The following COP1 variants were observed in gnomAD, a reference collection of about 807,000 sequenced individuals.
The protein encoded by COP1 is COP1 E3 ubiquitin ligase.
COP1 carries 24 observed loss-of-function variants against 101.3 expected under a neutral mutation model. The observed-to-expected ratio is 0.24, with a 90% CI of 0.17 to 0.33. The LOEUF (loss-of-function observed/expected upper bound fraction) is 0.33, where lower values mean the gene tolerates loss of function less well. Ranked by LOEUF, COP1 falls within the 10% of genes least tolerant of loss-of-function variation. The pLI is 1.00. For synonymous variants in COP1, 347 were observed against 341.9 expected, an observed-to-expected ratio of 1.01 and a Z score of -0.17; for missense variants, 663 against 906.2, an observed-to-expected ratio of 0.73 and a Z score of 3.45.
At chr1:176,157,862 A>C (rs1693707175) in intron 5 of COP1, among the ~76,000 whole-genome samples, 1 of 152,202 alleles carries the variant, frequency 6.6e-6, no homozygotes, top group African/African-American at 2.4e-5. Context: ...AAACTATCCA[A>C]AATGCACTAG....
chr1:175,945,255 T>C (rs1048871020), intron 19 of COP1, 85 bp from the exon 20 acceptor site: 3 of 984,688 alleles, frequency 3.0e-6, no homozygotes, highest in Non-Finnish European at 4.5e-6. Flanking sequence ...TATTTACCAA[T>C]AGAAAAGCAA....
chr1:176,053,966 A>G (rs1263017050), intron 11 of COP1, among the ~76,000 whole-genome samples: 1 of 152,132 alleles, frequency 6.6e-6, no homozygotes, highest in Non-Finnish European at 1.5e-5. Flanking sequence ...TAGAGAAAAA[A>G]CATGCAACCA....
At chr1:176,110,091 C>T (rs12402588) in intron 9 of COP1, among the ~76,000 whole-genome samples, 10,086 of 152,196 alleles carry the variant, frequency 0.066, 421 homozygotes, top group Middle Eastern at 0.12. Context: ...CTGTCTGTCT[C>T]TATCTGTTTA....
chr1:176,002,602 C>T (rs1232081959), intron 15 of COP1, among the ~76,000 whole-genome samples: 24 of 141,914 alleles, frequency 1.7e-4, no homozygotes, highest in Admixed American at 3.0e-4. Flanking sequence ...TGAGAATATG[C>T]AGTGTTTGGT....
intron 18 of COP1, among the ~76,000 whole-genome samples, chr1:175,972,283 C>T (rs1271738751): frequency 1.3e-5 from 2 of 152,006 alleles, no homozygotes; most frequent in Non-Finnish European, 2.9e-5. Context: ...TTGAAAAATA[C>T]TAATACACAT....
chr1:176,144,986 T>G (rs981516024), intron 6 of COP1, among the ~76,000 whole-genome samples: 3 of 152,012 alleles, frequency 2.0e-5, no homozygotes, highest in Admixed American at 1.3e-4. Context: ...CAAAACACAC[T>G]AAGTATAACA....
At chr1:176,133,748 T>C in intron 8 of COP1, 1 of 377,510 alleles carries the variant, frequency 2.6e-6, no homozygotes, top group East Asian at 7.3e-5. Flanking sequence ...CAAAAAAAAT[T>C]TGCTACTGTT....
chr1:176,145,916 C>T (rs1354585884), intron 6 of COP1, among the ~76,000 whole-genome samples: 1 of 152,082 alleles, frequency 6.6e-6, no homozygotes, highest in African/African-American at 2.4e-5. Context: ...GTGCTTCAGC[C>T]GTTCTAGCAG....
intron 1 of COP1, among the ~76,000 whole-genome samples, chr1:176,201,144 G>C (rs762705015): frequency 6.6e-6 from 1 of 152,174 alleles, no homozygotes; most frequent in South Asian, 2.1e-4. Flanking sequence ...TTCAGATTAA[G>C]GATACTAACC....
chr1:176,019,697 C>CA (rs1666381942), intron 15 of COP1, among the ~76,000 whole-genome samples: 2 of 151,326 alleles, frequency 1.3e-5, no homozygotes, highest in African/African-American at 4.9e-5. Context: ...TACGTTTTTC[C>CA]AAAAAATATG....
chr1:176,129,998 T>C (rs1688635403), intron 8 of COP1, among the ~76,000 whole-genome samples: 1 of 151,700 alleles, frequency 6.6e-6, no homozygotes, highest in African/African-American at 2.4e-5. Flanking sequence ...TGCTTCCTAT[T>C]CAATTACACA....
chr1:176,182,024 T>C (rs1408525320), intron 2 of COP1, among the ~76,000 whole-genome samples: 2 of 152,162 alleles, frequency 1.3e-5, no homozygotes, highest in Non-Finnish European at 2.9e-5. Flanking sequence ...AGATTATAAA[T>C]TTATTGAAAA....
At chr1:176,001,921 G>C (rs1480659959) in intron 15 of COP1, among the ~76,000 whole-genome samples, 1 of 152,022 alleles carries the variant, frequency 6.6e-6, no homozygotes, top group Non-Finnish European at 1.5e-5. Flanking sequence ...CCTACTGCCT[G>C]CTGGCAGTAA....
intron 1 of COP1, among the ~76,000 whole-genome samples, chr1:176,190,716 C>A (rs1227446974): frequency 2.0e-5 from 3 of 151,910 alleles, no homozygotes; most frequent in African/African-American, 7.3e-5. Flanking sequence ...TCAAAAGCAG[C>A]ATCCAAACTT....
intron 14 of COP1, among the ~76,000 whole-genome samples, chr1:176,035,710 CAAAAAAAAAA>C (rs71129541): frequency 2.7e-5 from 2 of 73,108 alleles, no homozygotes; most frequent in Non-Finnish European, 2.5e-5. Context: ...AAAACGAGAC[CAAAAAAAAAA>C]AAAAAAAAAA....
chr1:176,061,849 C>T (rs1252133567), intron 11 of COP1, among the ~76,000 whole-genome samples: 1 of 152,084 alleles, frequency 6.6e-6, no homozygotes, highest in African/African-American at 2.4e-5. Flanking sequence ...AATTAAGTAT[C>T]ACTCATGTTC....
At chr1:175,966,280 TAC>T (rs66711924) in intron 18 of COP1, among the ~76,000 whole-genome samples, 6,588 of 150,206 alleles carry the variant, frequency 0.044, 334 homozygotes, top group African/African-American at 0.13. Flanking sequence ...GTGTTTGCAA[TAC>T]ACACACACAC....
chr1:175,964,126 G>C (rs1651715219), intron 18 of COP1, among the ~76,000 whole-genome samples: 1 of 152,110 alleles, frequency 6.6e-6, no homozygotes, highest in Non-Finnish European at 1.5e-5. Context: ...AGAGGAAACT[G>C]AGGCACAGAA....
intron 15 of COP1, among the ~76,000 whole-genome samples, chr1:176,003,769 T>G (rs1296208105): frequency 1.3e-5 from 2 of 151,012 alleles, no homozygotes; most frequent in Admixed American, 6.6e-5. Context: ...TAGTATAGTT[T>G]GAAGTCAGGT....
Sources: gnomAD v4.1 joint callset for allele counts (sites outside exome capture counted in the v4.1 genomes callset) on GRCh38, gnomAD v4.1.1 for gene constraint, MANE v1.5 for transcripts, NCBI Gene and HGNC (gene_info 2026-07-23, HGNC 2026-07-21) for gene names.